Variants in DERA observed in about 807,000 individuals in gnomAD.
DERA encodes 2-deoxy-D-ribose 5-phosphate aldolase.
Under a neutral mutation model 41.1 loss-of-function variants are expected in DERA, and 15 were observed. The ratio of observed to expected loss-of-function variants is 0.37; its 90% CI spans 0.24 to 0.56. DERA has a LOEUF of 0.56. Ranked by LOEUF, DERA falls within the 20% of genes least tolerant of loss-of-function variation. The probability of loss-of-function intolerance (pLI) is 0.81; values close to 1 mark genes in which losing one functional copy is unlikely to be tolerated. For synonymous variants in DERA, 139 were observed against 137.4 expected, an observed-to-expected ratio of 1.01 and a Z score of -0.08; for missense variants, 396 against 403.4, an observed-to-expected ratio of 0.98 and a Z score of 0.16.
rs1169056813 is a variant in DERA at position 16,026,730 on chromosome 12, A to G, written c.638-5812A>G. ...ATGGCTTCATTGGTGAATTCTGCCA[A>G]ACATTTAAGGAAGATATAATACCAG... On this transcript the variant is annotated intron_variant, in intron 6 of 8. Transcript: ENST00000428559. This position sits in a 1 kb window ranked among gnomAD's most constrained non-coding sequence, Gnocchi z 4.4. Among the ~76,000 whole-genome samples the G allele has an allele frequency of 2.6e-5, 4 of 151,994 alleles. No homozygotes were observed. The highest frequency in any genetic ancestry group is 9.7e-5 in the African/African-American group (4 of 41,426).
In DERA at chr12:15,938,120, G is replaced by T. The variant is rs1468599643; in HGVS notation, c.32-18816G>T. Among the ~76,000 whole-genome samples, 1 of 152,140 alleles carries T rather than the reference G, an allele frequency of 6.6e-6. No homozygotes were observed. Among genetic ancestry groups the T allele is most frequent in the African/African-American group, 2.4e-5 (1 of 41,426 alleles). Reference sequence around the variant, plus strand: ...TTATTTACTGACTTGGGTAAGAGTTGTAATATTGATCTGTTAAGGTTCAGT... The same window carrying T: ...TTATTTACTGACTTGGGTAAGAGTTTTAATATTGATCTGTTAAGGTTCAGT... On this transcript the variant is annotated intron_variant, in intron 1 of 8. Transcript: ENST00000428559. This position sits in a 1 kb window ranked among gnomAD's most constrained non-coding sequence, Gnocchi z 4.1.
chr12:15,943,252 A>G lies in DERA; in HGVS notation c.32-13684A>G, dbSNP rs1334128085. On this transcript the variant is annotated intron_variant, in intron 1 of 8. Transcript: ENST00000428559. The surrounding 1 kb of genome is among the most constrained non-coding windows in gnomAD (Gnocchi z 4.5). ...CAGCACCAGAGATTGAGTAGCTCTT[A>G]TTTGTTTGAAGACAAATTTTAAACG... Among the ~76,000 whole-genome samples, 1 of 152,222 alleles carries G rather than the reference A, an allele frequency of 6.6e-6. No homozygotes were observed. Among genetic ancestry groups the G allele is most frequent in the Non-Finnish European group, 1.5e-5 (1 of 68,030 alleles).
chr12:15,956,780 A>T, intron 1 of DERA, 156 bp from the exon 2 acceptor site: 1 of 727,342 alleles, frequency 1.4e-6, no homozygotes, highest in Non-Finnish European at 2.5e-6. Flanking sequence ...TCCATCAATA[A>T]GGTTGTTTAT....
intron 5 of DERA, among the ~76,000 whole-genome samples, chr12:15,964,908 C>T (rs1413910757): frequency 1.3e-5 from 2 of 152,142 alleles, no homozygotes; most frequent in Non-Finnish European, 2.9e-5. Flanking sequence ...CAATAACAGG[C>T]GTTTATGCAA....
Position 15,990,422 on chromosome 12 carries a change from G to GT in DERA, c.637+7988dup, listed in dbSNP as rs1345007796. On this transcript the variant is annotated intron_variant, in intron 6 of 8. Transcript: ENST00000428559. The surrounding 1 kb of genome is among the most constrained non-coding windows in gnomAD (Gnocchi z 4.3). The stretch of plus-strand genomic sequence containing the variant: ...ATGTTTGTGGTACGCTACTTTCCAT[G>GT]TTCTTTTTTGTTTTGTTTTGTTTTT... 2.0e-4 allele frequency among the ~76,000 whole-genome samples: 31 copies of GT among 151,772 alleles called. No individual in the cohort carries two copies. Among genetic ancestry groups the GT allele is most frequent in the Middle Eastern group, 3.4e-3 (1 of 292 alleles).
At chr12:15,969,809 G>T (rs75555065) in intron 5 of DERA, among the ~76,000 whole-genome samples, 2,753 of 152,270 alleles carry the variant, frequency 0.018, 90 homozygotes, top group African/African-American at 0.063. Flanking sequence ...CTTTTATAGA[G>T]TGTTAATCAT....
chr12:15,953,530 A>G (rs1290700671), intron 1 of DERA, among the ~76,000 whole-genome samples: 1 of 152,196 alleles, frequency 6.6e-6, no homozygotes, highest in Non-Finnish European at 1.5e-5. Context: ...AAAACCACCA[A>G]AATGACATAT....
chr12:15,937,311 C>G (rs1565588898), intron 1 of DERA, among the ~76,000 whole-genome samples: 1 of 152,162 alleles, frequency 6.6e-6, no homozygotes, highest in Non-Finnish European at 1.5e-5. Context: ...TCAGATTAAA[C>G]AGTTCTGGTA....
intron 1 of DERA, among the ~76,000 whole-genome samples, chr12:15,952,012 C>T (rs1264440070): frequency 6.6e-6 from 1 of 152,048 alleles, no homozygotes; most frequent in African/African-American, 2.4e-5. Context: ...AGCGATTCTT[C>T]TGCCTCAGTC....
rs1476693123 is a variant in DERA, at chr12:16,017,094, A to T, written c.638-15448A>T. 6.6e-6 allele frequency among the ~76,000 whole-genome samples: 1 copy of T among 152,186 alleles called. No homozygotes were observed. The highest frequency in any genetic ancestry group is 6.5e-5 in the Admixed American group (1 of 15,280). ...TATACAGTCAGAGTCCCCACTTTGTATTCCACTTAAATCATACTGTTTTGC... is the reference window on the plus strand; with the variant it reads ...TATACAGTCAGAGTCCCCACTTTGTTTTCCACTTAAATCATACTGTTTTGC... On this transcript the variant is annotated intron_variant, in intron 6 of 8. Coordinates refer to ENST00000428559, the MANE Select transcript of DERA (RefSeq NM_015954.4). This position sits in a 1 kb window ranked among gnomAD's most constrained non-coding sequence, Gnocchi z 5.5.
chr12:16,034,484 C>T (rs991411424), intron 7 of DERA, among the ~76,000 whole-genome samples: 2 of 152,088 alleles, frequency 1.3e-5, no homozygotes, highest in African/African-American at 4.8e-5. Context: ...AAGAAAAAGA[C>T]AGGTACAAGC....
chr12:16,015,599 A>G (rs966270135), intron 6 of DERA, among the ~76,000 whole-genome samples: 2 of 152,240 alleles, frequency 1.3e-5, no homozygotes, highest in Non-Finnish European at 2.9e-5. Context: ...TTATAGAGGT[A>G]TGAAAACGGA....
rs968477558 is a variant in DERA at position 16,008,002 on chromosome 12, C to T, written c.638-24540C>T. ...AGTAGCTGAGATTACAGGTGTGTGC[C>T]ACTGTGTGCCCGGCTAATTTTTGTA... On this transcript the variant is annotated intron_variant, in intron 6 of 8. Transcript: ENST00000428559. This position sits in a 1 kb window ranked among gnomAD's most constrained non-coding sequence, Gnocchi z 4.8. 6.6e-6 allele frequency among the ~76,000 whole-genome samples: 1 copy of T among 152,112 alleles called. No homozygotes were observed. The highest frequency in any genetic ancestry group is 2.4e-5 in the African/African-American group (1 of 41,428).
rs1478764657 is a variant in DERA, at chr12:15,928,048, C to T, written c.31+16634C>T. Among the ~76,000 whole-genome samples the T allele has an allele frequency of 2.6e-5, 4 of 152,046 alleles. No homozygotes were observed. Among genetic ancestry groups the T allele is most frequent in the African/African-American group, 9.7e-5 (4 of 41,388 alleles). ...ATAATAATTATCTATTTAGGGGATACAATGTAATATTTTGATACATGTATA... is the reference window on the plus strand; with the variant it reads ...ATAATAATTATCTATTTAGGGGATATAATGTAATATTTTGATACATGTATA... On this transcript the variant is annotated intron_variant, in intron 1 of 8. Coordinates refer to ENST00000428559, the MANE Select transcript of DERA (RefSeq NM_015954.4). The surrounding 1 kb of genome is among the most constrained non-coding windows in gnomAD (Gnocchi z 4.6).
At position 15,970,532 on chromosome 12, in the gene DERA, T is replaced by C. The variant is rs1948652598; in HGVS notation, c.508+7585T>C. Among the ~76,000 whole-genome samples the C allele has an allele frequency of 6.6e-6, 1 of 152,140 alleles. No individual in the cohort carries two copies. Among genetic ancestry groups the C allele is most frequent in the African/African-American group, 2.4e-5 (1 of 41,436 alleles). On this transcript the variant is annotated intron_variant, in intron 5 of 8. Transcript: ENST00000428559. This position sits in a 1 kb window ranked among gnomAD's most constrained non-coding sequence, Gnocchi z 4.3. ...GGATCCTAGAGAGAAGAAAGTTAATTTTATTTATTTATTTATAAGTGTTTT... is the reference window on the plus strand; with the variant it reads ...GGATCCTAGAGAGAAGAAAGTTAATCTTATTTATTTATTTATAAGTGTTTT...
chr12:15,968,026 T>C (rs188260583), intron 5 of DERA, among the ~76,000 whole-genome samples: 22 of 152,114 alleles, frequency 1.4e-4, no homozygotes, highest in African/African-American at 5.1e-4. Flanking sequence ...TTTGTTCTCC[T>C]TCCCCACCAG....
intron 5 of DERA, among the ~76,000 whole-genome samples, chr12:15,969,863 G>A (rs1276056941): frequency 6.6e-6 from 1 of 152,092 alleles, no homozygotes; most frequent in Non-Finnish European, 1.5e-5. Context: ...CTACTTTTTG[G>A]GGAGGAATTA....
At chr12:15,968,960 C>G (rs576968841) in intron 5 of DERA, among the ~76,000 whole-genome samples, 9 of 152,344 alleles carry the variant, frequency 5.9e-5, no homozygotes, top group African/African-American at 1.9e-4. Context: ...TCACTTCTCT[C>G]TGCTTCCATG....
intron 6 of DERA, among the ~76,000 whole-genome samples, chr12:16,025,260 G>A (rs1949045732): frequency 1.3e-5 from 2 of 152,096 alleles, no homozygotes; most frequent in South Asian, 4.1e-4. Flanking sequence ...CCAATTAGAA[G>A]ATAGAGATGA....
Sources: allele counts gnomAD v4.1 joint callset (sites outside exome capture counted in the v4.1 genomes callset), GRCh38; gene constraint gnomAD v4.1.1; non-coding constraint Gnocchi (gnomAD v3.1); transcripts MANE v1.5; gene names NCBI Gene and HGNC (gene_info 2026-07-23, HGNC 2026-07-21).